The following NCKAP5 variants were observed in gnomAD, a reference collection of about 807,000 sequenced individuals.
The protein encoded by NCKAP5 is nck-associated protein 5.
Under a neutral mutation model 167.0 loss-of-function variants are expected in NCKAP5, and 92 were observed. That is an observed-to-expected ratio of 0.55 (90% CI 0.47 to 0.66). NCKAP5 has a LOEUF of 0.66. NCKAP5 is among the 30% of genes least tolerant of loss of function. The pLI is 0.00. For synonymous variants in NCKAP5, 891 were observed against 877.4 expected (o/e 1.02, Z -0.27); for missense variants, 2,378 against 2,315.0 (o/e 1.03, Z -0.56).
At chr2:133,022,088 C>A (rs559587829) in intron 6 of NCKAP5, among the ~76,000 whole-genome samples, 1 of 152,200 alleles carries the variant, frequency 6.6e-6, no homozygotes, top group East Asian at 1.9e-4. Flanking sequence ...GATGTCACTT[C>A]GGTAGTTACA....
At chr2:132,887,351 C>CTAT (rs751245153) in intron 8 of NCKAP5, among the ~76,000 whole-genome samples, 43,168 of 122,524 alleles carry the variant, frequency 0.35, 6,971 homozygotes, top group Non-Finnish European at 0.39. Flanking sequence ...ATCTATCTAT[C>CTAT]CATCCATCCA....
intron 3 of NCKAP5, among the ~76,000 whole-genome samples, chr2:133,475,322 CCCAATGT>C (rs1426543181): frequency 6.6e-6 from 1 of 152,184 alleles, no homozygotes; most frequent in Non-Finnish European, 1.5e-5. Flanking sequence ...TGCCAGGACT[CCCAATGT>C]GCACACACAC....
chr2:133,424,409 ATAT>A (rs1423534259), intron 3 of NCKAP5, among the ~76,000 whole-genome samples: 2 of 152,218 alleles, frequency 1.3e-5, no homozygotes, highest in Admixed American at 1.3e-4. Context: ...AAGTGATTTC[ATAT>A]TATATGATAA....
At chr2:133,047,011 T>G (rs760595558) in intron 6 of NCKAP5, among the ~76,000 whole-genome samples, 3 of 152,116 alleles carry the variant, frequency 2.0e-5, no homozygotes, top group Admixed American at 6.6e-5. Flanking sequence ...TATTTCAGAG[T>G]GATTTGCCCT....
chr2:132,877,139 A>T (rs1053622055), intron 9 of NCKAP5, among the ~76,000 whole-genome samples: 3 of 152,176 alleles, frequency 2.0e-5, no homozygotes, highest in African/African-American at 7.2e-5. Context: ...TGACTGGACC[A>T]CGAGCCCAGG....
intron 5 of NCKAP5, among the ~76,000 whole-genome samples, chr2:133,144,961 A>G (rs1276751200): frequency 6.6e-6 from 1 of 152,130 alleles, no homozygotes; most frequent in Non-Finnish European, 1.5e-5. Context: ...AATTTTGAAT[A>G]CTGGTCATAA....
chr2:133,651,086 A>AT, the NCKAP5 span, among the ~76,000 whole-genome samples: 1 of 152,304 alleles, frequency 6.6e-6, no homozygotes, highest in Admixed American at 6.5e-5. Context: ...CTAGATGAAA[A>AT]CATAGAGGAA....
At chr2:133,246,030 T>G (rs1407949261) in intron 4 of NCKAP5, among the ~76,000 whole-genome samples, 2 of 152,044 alleles carry the variant, frequency 1.3e-5, no homozygotes, top group Non-Finnish European at 2.9e-5. Flanking sequence ...GGTTGGGGTC[T>G]GAAATTATCA....
At chr2:133,499,337 A>G (rs190359047) in intron 3 of NCKAP5, among the ~76,000 whole-genome samples, 4 of 152,250 alleles carry the variant, frequency 2.6e-5, no homozygotes, top group African/African-American at 9.6e-5. Flanking sequence ...TCTATCACAG[A>G]AAAGGGAAAT....
chr2:132,766,614 T>G (rs1681515832), intron 16 of NCKAP5, among the ~76,000 whole-genome samples: 2 of 152,230 alleles, frequency 1.3e-5, no homozygotes, highest in Non-Finnish European at 2.9e-5. Flanking sequence ...TTTGATACAA[T>G]GAAGCAGGTC....
intron 2 of NCKAP5, among the ~76,000 whole-genome samples, chr2:133,520,485 G>A (rs1558750105): frequency 6.6e-6 from 1 of 152,100 alleles, no homozygotes; most frequent in East Asian, 1.9e-4. Flanking sequence ...TTCATAGTAG[G>A]GTTTTCTGAT....
Position 133,308,795 on chromosome 2 carries a change from CT to C in NCKAP5, c.70-5686del, listed in dbSNP as rs1221411784. 2.3e-3 allele frequency among the ~76,000 whole-genome samples: 312 copies of C among 136,008 alleles called. 1 individual carries two copies. The highest frequency in any genetic ancestry group is 7.5e-3 in the African/African-American group (274 of 36,424). The allele number at this position is 136,008 out of a possible 152,430, so 89.2% of individuals were successfully genotyped here. ...GCAATCTCGGCTCACTGCAAGCTCT[CT>C]GCTTCCCGGGTTCACGCCATTCTCC... On this transcript the variant is annotated intron_variant, in intron 3 of 19. Transcript: ENST00000409261.
chr2:133,016,418 C>T (rs759498663), intron 6 of NCKAP5, among the ~76,000 whole-genome samples: 3 of 152,190 alleles, frequency 2.0e-5, no homozygotes, highest in African/African-American at 4.8e-5. Context: ...ACAGATGGTG[C>T]ATTTCACCAA....
intron 8 of NCKAP5, among the ~76,000 whole-genome samples, chr2:132,925,402 A>G (rs908285680): frequency 6.6e-6 from 1 of 151,606 alleles, no homozygotes; most frequent in Middle Eastern, 3.2e-3. Context: ...AAAGTACAAA[A>G]AAAAAAAAAA....
chr2:133,647,515 AG>A, the NCKAP5 span, among the ~76,000 whole-genome samples: 1 of 134,262 alleles, frequency 7.4e-6, no homozygotes, highest in African/African-American at 2.8e-5. Flanking sequence ...AGGAAAGGAA[AG>A]GAAAGGAAAG....
intron 3 of NCKAP5, among the ~76,000 whole-genome samples, chr2:133,466,336 T>A (rs1271113476): frequency 6.7e-6 from 1 of 150,176 alleles, no homozygotes; most frequent in African/African-American, 2.5e-5. Flanking sequence ...GCGGCATTAT[T>A]TCTGAGGGCT....
At chr2:132,969,514 C>T (rs1054490547) in intron 7 of NCKAP5, among the ~76,000 whole-genome samples, 4 of 152,106 alleles carry the variant, frequency 2.6e-5, no homozygotes, top group Non-Finnish European at 4.4e-5. Context: ...TTATCTGACC[C>T]CAGGGTGAGA....
At chr2:133,571,450 AGT>A (rs2105070389), upstream of NCKAP5, among the ~76,000 whole-genome samples, 1 of 152,242 alleles carries the variant, frequency 6.6e-6, no homozygotes, top group East Asian at 1.9e-4. Flanking sequence ...CCACCTGCTG[AGT>A]GTTGTCTCCC....
intron 3 of NCKAP5, among the ~76,000 whole-genome samples, chr2:133,487,771 C>T (rs1681042274): frequency 6.6e-6 from 1 of 152,128 alleles, no homozygotes; most frequent in Non-Finnish European, 1.5e-5. Flanking sequence ...AGTGGTCTTA[C>T]CCACCCCAGG....
Sources: gnomAD v4.1 joint callset for allele counts (sites outside exome capture counted in the v4.1 genomes callset) on GRCh38, gnomAD v4.1.1 for gene constraint, MANE v1.5 for transcripts, NCBI Gene and HGNC (gene_info 2026-07-23, HGNC 2026-07-21) for gene names.